Variants in ANO5 observed in about 807,000 individuals in gnomAD.
The protein encoded by ANO5 is anoctamin 5, also known as anoctamin-5.
Under a neutral mutation model 121.0 loss-of-function variants are expected in ANO5, and 109 were observed. That is an observed-to-expected ratio of 0.90 (90% CI 0.77 to 1.06). The LOEUF is 1.06. Ranked by LOEUF, ANO5 falls within the 50% of genes least tolerant of loss-of-function variation. The probability of loss-of-function intolerance (pLI) is 0.00; values close to 1 mark genes in which losing one functional copy is unlikely to be tolerated. For missense variants in ANO5, 1,064 were observed against 1,078.5 expected, an observed-to-expected ratio of 0.99 and a Z score of 0.19; for synonymous variants, 406 against 359.9, an observed-to-expected ratio of 1.13 and a Z score of -1.45.
chr11:22,203,521 G>A (rs2133519313), intron 1 of ANO5, among the ~76,000 whole-genome samples: 1 of 152,158 alleles, frequency 6.6e-6, no homozygotes, highest in South Asian at 2.1e-4. Context: ...GTTATAGGTT[G>A]ATAACCACAT....
At chr11:22,229,482 A>G (rs992560257) in intron 7 of ANO5, among the ~76,000 whole-genome samples, 6 of 151,972 alleles carry the variant, frequency 3.9e-5, no homozygotes, top group Admixed American at 3.3e-4. Context: ...AGCAAATGAC[A>G]TGGAATCAGA....
rs749879718 is a variant in ANO5 at position 22,255,505 on chromosome 11, T to C, written c.1315T>C (p.Leu439=). 5 of 1,613,086 alleles carry C rather than the reference T, an allele frequency of 3.1e-6. No homozygotes were observed. The Admixed American group carries it at 5.0e-5, about 16-fold the overall frequency. The change falls in exon 13 of 22, where the codon TTG becomes CTG. Residue 439 remains leucine (L), a synonymous_variant. Coordinates refer to ENST00000324559, the MANE Select transcript of ANO5 (RefSeq NM_213599.3). ...EFEAMCKHRK[L]NAVTKEMEPY... is the part of the protein sequence containing the mutation. ...TGAAGCTATGTGTAAACACAGGAAA[T>C]TGAATGCAGTGACTAAGGTAGACTA...
chr11:22,203,340 T>C (rs1489560680), intron 1 of ANO5, among the ~76,000 whole-genome samples: 2 of 152,134 alleles, frequency 1.3e-5, no homozygotes, highest in Non-Finnish European at 2.9e-5. Context: ...CGGAGCTATC[T>C]GTATGTCGGG....
At chr11:22,267,876 T>C (rs1421272515) in intron 17 of ANO5, among the ~76,000 whole-genome samples, 2 of 152,192 alleles carry the variant, frequency 1.3e-5, no homozygotes, top group African/African-American at 2.4e-5. Context: ...TATTTGGTTC[T>C]TGCATTAGTT....
At chr11:22,211,377 T>C in intron 3 of ANO5, 63 bp downstream of exon 3, 9 of 1,498,086 alleles carry the variant, frequency 6.0e-6, no homozygotes, top group Non-Finnish European at 7.4e-6. Context: ...TTTTGTAGTC[T>C]GCAATGATGA....
At chr11:22,215,696 C>T (rs970882537) in intron 3 of ANO5, among the ~76,000 whole-genome samples, 2 of 151,882 alleles carry the variant, frequency 1.3e-5, no homozygotes, top group African/African-American at 4.8e-5. Flanking sequence ...TTTTCATCTT[C>T]ATTGGTTCTA....
rs372674175 is a variant in ANO5 at position 22,270,334 on chromosome 11, C to A, written c.1921C>A (p.Arg641Ser). 5.0e-6 allele frequency: 8 copies of A among 1,613,964 alleles called. No individual in the cohort carries two copies. The highest frequency in any genetic ancestry group is 6.8e-6 in the Non-Finnish European group (8 of 1,180,010). The change falls in exon 18 of 22, where the codon CGC (arginine) becomes AGC (serine). Residue 641 changes from arginine to serine, a missense_variant. Transcript: ENST00000324559. ...CAGCTTGGCTTTGAATTGGTGGAGA[C>A]GCCGAAAAGCTCGGACAAACTCTGA... is the stretch of plus-strand genomic sequence containing the variant. ...IYPLALNWWR[R>S]RKARTNSEKL... is the part of the protein sequence containing the mutation.
At position 22,224,732 on chromosome 11, in the gene ANO5, A is replaced by G. The variant is rs1852767843; in HGVS notation, c.295-1252A>G. Among the ~76,000 whole-genome samples the G allele has an allele frequency of 2.0e-5, 3 of 152,110 alleles. No homozygotes were observed. In the South Asian group the frequency reaches 6.2e-4, roughly 31 times the overall value. On this transcript the variant is annotated intron_variant, in intron 5 of 21. Transcript: ENST00000324559. ...GACCACTGGGATTAAATCAAGCCAA[A>G]AAGCTTCTGCACAGCAAAGGAAAAG... is the stretch of plus-strand genomic sequence containing the variant.
chr11:22,205,700 A>C lies in ANO5; in HGVS notation c.87+1850A>C, dbSNP rs537730268. On this transcript the variant is annotated intron_variant, in intron 2 of 21. Coordinates refer to ENST00000324559, the MANE Select transcript of ANO5 (RefSeq NM_213599.3). ...ACCAAAAGCTGTGGAAAGATACATA[A>C]AATTGACAAACCTTTAGCCAGACTG... Among the ~76,000 whole-genome samples, 26 of 152,278 alleles carry C rather than the reference A, an allele frequency of 1.7e-4. No individual in the cohort carries two copies. The South Asian group carries it at 4.8e-3, about 28-fold the overall frequency.
chr11:22,231,230 A>T (rs528953844), intron 7 of ANO5, among the ~76,000 whole-genome samples: 5 of 152,024 alleles, frequency 3.3e-5, no homozygotes, highest in Non-Finnish European at 7.4e-5. Context: ...TATAACACTC[A>T]TAAGTATTTT....
intron 5 of ANO5, among the ~76,000 whole-genome samples, chr11:22,224,918 A>C (rs1852773958): frequency 1.3e-5 from 2 of 152,070 alleles, no homozygotes; most frequent in Admixed American, 6.6e-5. Flanking sequence ...GACAAATGTC[A>C]TATGTTCTCA....
chr11:22,262,943 T>G lies in ANO5; in HGVS notation c.1801-3T>G. 3 of 1,607,666 alleles carry G rather than the reference T, an allele frequency of 1.9e-6. 1 individual carries two copies. On this transcript the variant is annotated splice_region_variant and splice_polypyrimidine_tract_variant and intron_variant, in intron 16 of 21. Transcript: ENST00000324559. ...TGTTTTCTCCCCTCTTGCTTCTGACTAGTGTGATCCTGGAGGCTGTCTTAT... is the reference window on the plus strand; with the variant it reads ...TGTTTTCTCCCCTCTTGCTTCTGACGAGTGTGATCCTGGAGGCTGTCTTAT...
chr11:22,217,046 A>T (rs1417527121), intron 3 of ANO5, among the ~76,000 whole-genome samples: 2 of 151,974 alleles, frequency 1.3e-5, no homozygotes, highest in Non-Finnish European at 2.9e-5. Flanking sequence ...TGTAATGACC[A>T]ACATTTGTCT....
chr11:22,265,459 T>C (rs1365861477), intron 17 of ANO5, among the ~76,000 whole-genome samples: 1 of 152,108 alleles, frequency 6.6e-6, no homozygotes, highest in Non-Finnish European at 1.5e-5. Context: ...AAAGATTTTC[T>C]TGAGCAAAAA....
In ANO5 at chr11:22,236,273, T is replaced by A. The variant is rs748490606; in HGVS notation, c.759T>A (p.His253Gln). ...CTTACTCATCTGCCTATCCACTCCA[T>A]GATGTATGTATAGGTTTGATTGTGA... ...SNTYSSAYPLHDGQYWKPSEP... is the reference protein window; with the variant it reads ...SNTYSSAYPLQDGQYWKPSEP... Residue 253 changes from histidine (H) to glutamine (Q), a missense_variant, in exon 8 of 22, where the codon CAT (histidine) becomes CAA (glutamine). His to Gln is a conservative substitution (Grantham distance 24). Coordinates refer to ENST00000324559, the MANE Select transcript of ANO5 (RefSeq NM_213599.3). 6.2e-7 allele frequency: 1 copy of A among 1,603,018 alleles called. No individual in the cohort carries two copies. Among genetic ancestry groups the A allele is most frequent in the East Asian group, 2.2e-5 (1 of 44,634 alleles).
At chr11:22,205,572 T>C (rs986216837) in intron 2 of ANO5, among the ~76,000 whole-genome samples, 41 of 123,374 alleles carry the variant, frequency 3.3e-4, no homozygotes, top group African/African-American at 1.2e-3. Flanking sequence ...TAAAATAAAA[T>C]AAATAAAAGG....
chr11:22,203,465 T>C (rs920608212), intron 1 of ANO5, among the ~76,000 whole-genome samples: 22 of 152,080 alleles, frequency 1.4e-4, no homozygotes, highest in African/African-American at 5.3e-4. Flanking sequence ...AACTAAAACA[T>C]ATGAATGGAC....
At chr11:22,243,730 G>A (rs1484764954) in intron 9 of ANO5, among the ~76,000 whole-genome samples, 1 of 24,868 alleles carries the variant, frequency 4.0e-5, no homozygotes, top group Non-Finnish European at 2.4e-4. Flanking sequence ...AGTATTGGAG[G>A]ATTTTTGATT....
At chr11:22,222,265 A>C (rs532058512) in intron 5 of ANO5, among the ~76,000 whole-genome samples, 1 of 152,004 alleles carries the variant, frequency 6.6e-6, no homozygotes, top group South Asian at 2.1e-4. Flanking sequence ...TGCATCTTCT[A>C]TTCCTCAACA....
Sources: gnomAD v4.1 joint callset for allele counts (sites outside exome capture counted in the v4.1 genomes callset) on GRCh38, gnomAD v4.1.1 for gene constraint, MANE v1.5 for transcripts, NCBI Gene and HGNC (gene_info 2026-07-23, HGNC 2026-07-21) for gene names.